Variants in MBD1 observed in about 807,000 individuals in gnomAD.
MBD1 encodes methyl-CpG-binding domain protein 1.
MBD1 carries 25 observed loss-of-function variants against 82.6 expected under a neutral mutation model. The observed-to-expected ratio is 0.30, with a 90% confidence interval of 0.22 to 0.42. MBD1 has a LOEUF of 0.42. Ranked by LOEUF, MBD1 falls within the 10% of genes least tolerant of loss-of-function variation. The pLI is 1.00. For synonymous variants in MBD1, 301 were observed against 303.7 expected, an observed-to-expected ratio of 0.99 and a Z score of 0.09; for missense variants, 627 against 819.6, an observed-to-expected ratio of 0.76 and a Z score of 2.87.
chr18:50,276,752 G>A lies in MBD1; in HGVS notation c.393-8C>T. On this transcript the variant is annotated splice_region_variant and splice_polypyrimidine_tract_variant and intron_variant, in intron 4 of 16. Coordinates refer to ENST00000269468, the MANE Select transcript of MBD1 (RefSeq NM_015846.4). ...CCACAGTTCTCACAGCACCTGGGAT[G>A]GGAAAGGCAGGTGTGGGGCTCCAAG... 1 of 1,614,176 alleles carries A rather than the reference G, an allele frequency of 6.2e-7. No homozygotes were observed. The highest frequency in any genetic ancestry group is 8.5e-7 in the Non-Finnish European group (1 of 1,179,998).
intron 5 of MBD1, 103 bp downstream of exon 5, chr18:50,276,559 G>C: frequency 6.8e-7 from 1 of 1,468,572 alleles, no homozygotes; most frequent in Non-Finnish European, 9.5e-7. Context: ...AACCATGCCA[G>C]TAGCCTCTGT....
rs1311052028 is a variant in MBD1 at position 50,276,675 on chromosome 18, G to A, written c.462C>T (p.Cys154=). The A allele has an allele frequency of 6.2e-7, 1 of 1,614,166 alleles. No individual in the cohort carries two copies. The highest frequency in any genetic ancestry group is 8.5e-7 in the Non-Finnish European group (1 of 1,180,028). The change falls in exon 5 of 17, where the codon TGC becomes TGT. Residue 154 remains cysteine (C), a synonymous_variant. Coordinates refer to ENST00000269468, the MANE Select transcript of MBD1 (RefSeq NM_015846.4). ...GTQRQRLKTL[C]KDCRAQRIAF... is the part of the protein sequence containing the mutation. ...GAGGCCACTCACCTCGACAGTCTTT[G>A]CACAACGTTTTGAGCCGCTGCCTTT...
intron 16 of MBD1, chr18:50,271,000 T>C: frequency 1.0e-6 from 1 of 985,674 alleles, no homozygotes; most frequent in Non-Finnish European, 1.2e-6. Context: ...AAATATTATT[T>C]TAAGGATTAA....
intron 2 of MBD1, among the ~76,000 whole-genome samples, chr18:50,277,884 G>T (rs573974656): frequency 6.6e-6 from 1 of 152,094 alleles, no homozygotes. Flanking sequence ...CTAAGCTCAC[G>T]GTTCTTTTCC....
At position 50,269,536 on chromosome 18, in the gene MBD1, G is replaced by C. The variant is rs1568175478; in HGVS notation, c.*315C>G. 1 of 717,804 alleles carries C rather than the reference G, an allele frequency of 1.4e-6. No individual in the cohort carries two copies. Among genetic ancestry groups the C allele is most frequent in the African/African-American group, 1.7e-5 (1 of 57,260 alleles). The allele number at this position is 717,804 out of a possible 1,614,324, so 44.5% of individuals were successfully genotyped here. A position where few individuals can be genotyped will look rare whatever the true frequency, so the allele number is the denominator to read the frequency against. ...TCTGCTAGATCACCTCGTTGGTGTGGGCAGTAGTCAGGCCTGCAGCCAGGC... is the reference window on the plus strand; with the variant it reads ...TCTGCTAGATCACCTCGTTGGTGTGCGCAGTAGTCAGGCCTGCAGCCAGGC... On this transcript the variant is annotated 3_prime_UTR_variant, in exon 17 of 17. Transcript: ENST00000269468.
At chr18:50,272,536 C>G in intron 15 of MBD1, 141 bp downstream of exon 15, 1 of 904,052 alleles carries the variant, frequency 1.1e-6, no homozygotes. Context: ...ACACGCCCCT[C>G]ATTAATTGTG....
chr18:50,267,618 G>T, downstream of MBD1: 1 of 1,536,052 alleles, frequency 6.5e-7, no homozygotes, highest in Non-Finnish European at 8.7e-7. Context: ...TGCAGCACAG[G>T]TGGTAACCAC....
Position 50,276,864 on chromosome 18 carries a change from A to C in MBD1, c.360T>G (p.Thr120=). The C allele has an allele frequency of 1.2e-6, 2 of 1,614,236 alleles. No homozygotes were observed. Among genetic ancestry groups the C allele is most frequent in the South Asian group, 1.1e-5 (1 of 91,088 alleles). The change falls in exon 4 of 17, where the codon ACT becomes ACG. Residue 120 remains threonine, a synonymous_variant. Coordinates refer to ENST00000269468, the MANE Select transcript of MBD1 (RefSeq NM_015846.4). ...EAPRDETKAD[T]DTAPASFPAP... is the part of the protein sequence containing the mutation. ...CAGGGAATGAAGCTGGGGCTGTGTCAGTGTCAGCCTTGGTCTCATCCCTCG... is the reference window on the plus strand; with the variant it reads ...CAGGGAATGAAGCTGGGGCTGTGTCCGTGTCAGCCTTGGTCTCATCCCTCG...
chr18:50,272,199 C>T (rs1377940544), intron 15 of MBD1, among the ~76,000 whole-genome samples: 2 of 152,148 alleles, frequency 1.3e-5, no homozygotes, highest in African/African-American at 4.8e-5. Flanking sequence ...CAGCTCGGAA[C>T]CCAGATCTCC....
chr18:50,280,058 G>A, intron 1 of MBD1, 41 bp from the exon 2 acceptor site: 1 of 1,556,932 alleles, frequency 6.4e-7, no homozygotes, highest in Middle Eastern at 1.8e-4. Context: ...TGAGGCTCTA[G>A]GAAGGGACAA....
chr18:50,267,698 C>T (rs1246775536), downstream of MBD1: 2 of 1,465,204 alleles, frequency 1.4e-6, no homozygotes, highest in Admixed American at 2.0e-5. Flanking sequence ...TGTGATACTC[C>T]CATTCTAAAG....
Position 50,275,115 on chromosome 18 carries a change from C to T in MBD1, c.909+14G>A, listed in dbSNP as rs1331483282. ...GTCAGGGTTGTGCCTTCCCTCCACCCACTGGGGCCTCACCGGCTCTGTGGG... is the reference window on the plus strand; with the variant it reads ...GTCAGGGTTGTGCCTTCCCTCCACCTACTGGGGCCTCACCGGCTCTGTGGG... On this transcript the variant is annotated intron_variant, in intron 9 of 16. Transcript: ENST00000269468. The T allele has an allele frequency of 6.2e-7, 1 of 1,613,516 alleles. No homozygotes were observed. Among genetic ancestry groups the T allele is most frequent in the African/African-American group, 1.3e-5 (1 of 74,916 alleles).
chr18:50,268,936 A>T lies in MBD1; in HGVS notation c.*915T>A, dbSNP rs956064914. Reference sequence around the variant, plus strand: ...TATTTCCAATTCCTACTGTGCCCCAAACAAGGTTCACAAAAGGGCTGTCCT... The same window carrying T: ...TATTTCCAATTCCTACTGTGCCCCATACAAGGTTCACAAAAGGGCTGTCCT... On this transcript the variant is annotated 3_prime_UTR_variant, in exon 17 of 17. Transcript: ENST00000269468. 3.1e-5 allele frequency: 31 copies of T among 984,964 alleles called. No homozygotes were observed. The highest frequency in any genetic ancestry group is 6.1e-5 in the Admixed American group (1 of 16,276). 61.0% of individuals were successfully genotyped at this position (984,964 alleles called of 1,614,324 possible). A position where few individuals can be genotyped will look rare whatever the true frequency, so the allele number is the denominator to read the frequency against.
At chr18:50,281,182 G>A in intron 1 of MBD1, 181 bp downstream of exon 1, 1 of 1,533,692 alleles carries the variant, frequency 6.5e-7, no homozygotes, top group Non-Finnish European at 8.7e-7. Context: ...GTTCAGAGCT[G>A]CATTCCTTCC....
intron 16 of MBD1, 32 bp from the exon 17 acceptor site, chr18:50,269,850 C>T (rs750046254): frequency 3.6e-6 from 3 of 842,528 alleles, no homozygotes; most frequent in Non-Finnish European, 6.3e-6. Flanking sequence ...GCAAAGACAA[C>T]AGCCTTACAG....
downstream of MBD1, chr18:50,267,693 T>A (rs555396430): frequency 5.7e-5 from 84 of 1,486,618 alleles, no homozygotes; most frequent in African/African-American, 1.0e-3. Context: ...GACACTGTGA[T>A]ACTCCCATTC....
chr18:50,269,526 C>T lies in MBD1; in HGVS notation c.*325G>A, dbSNP rs367748364. On this transcript the variant is annotated 3_prime_UTR_variant, in exon 17 of 17. Transcript: ENST00000269468. ...TTGCCATGTATCTGCTAGATCACCT[C>T]GTTGGTGTGGGCAGTAGTCAGGCCT... The T allele has an allele frequency of 5.2e-5, 37 of 717,578 alleles. No homozygotes were observed. Among genetic ancestry groups the T allele is most frequent in the African/African-American group, 4.0e-4 (23 of 57,354 alleles). 44.5% of individuals were successfully genotyped at this position (717,578 alleles called of 1,614,324 possible). A position where few individuals can be genotyped will look rare whatever the true frequency, so the allele number is the denominator to read the frequency against.
Position 50,271,546 on chromosome 18 carries a change from GA to G in MBD1, c.1779-7del. 6.2e-7 allele frequency: 1 copy of G among 1,614,208 alleles called. No homozygotes were observed. Among genetic ancestry groups the G allele is most frequent in the Non-Finnish European group, 8.5e-7 (1 of 1,180,026 alleles). On this transcript the variant is annotated splice_region_variant and splice_polypyrimidine_tract_variant and intron_variant, in intron 15 of 16. Transcript: ENST00000269468. ...GTTTTTTAAGGTCTTTGGACCTAGGGAAAAGGGAGCAGGTCTGTATGTTGAA... is the reference window on the plus strand; with the variant it reads ...GTTTTTTAAGGTCTTTGGACCTAGGGAAAGGGAGCAGGTCTGTATGTTGAA...
At chr18:50,274,882 T>C (rs2147153474) in intron 10 of MBD1, 95 bp downstream of exon 10, 1 of 1,289,988 alleles carries the variant, frequency 7.8e-7, no homozygotes, top group Non-Finnish European at 1.1e-6. Context: ...TGTGCCTTGC[T>C]GTTCCCCAAT....
Sources: allele counts gnomAD v4.1 joint callset (sites outside exome capture counted in the v4.1 genomes callset), GRCh38; gene constraint gnomAD v4.1.1; transcripts MANE v1.5; gene names NCBI Gene and HGNC (gene_info 2026-07-23, HGNC 2026-07-21).